Variants in AHCYL2 observed in about 807,000 individuals in gnomAD.
AHCYL2 encodes S-adenosylhomocysteine hydrolase-like protein 2.
AHCYL2 carries 28 observed loss-of-function variants against 81.4 expected under a neutral mutation model. The observed-to-expected ratio is 0.34, with a 90% confidence interval of 0.25 to 0.47. AHCYL2 has a LOEUF of 0.47. AHCYL2 is among the 20% of genes least tolerant of loss of function. The probability of loss-of-function intolerance (pLI) is 1.00; values close to 1 mark genes in which losing one functional copy is unlikely to be tolerated. For missense variants in AHCYL2, 551 were observed against 785.1 expected (o/e 0.70, Z 3.56); for synonymous variants, 272 against 290.2 (o/e 0.94, Z 0.64).
chr7:129,405,206 C>A lies in AHCYL2; in HGVS notation c.1135C>A (p.Leu379Ile). Residue 379 changes from leucine (L) to isoleucine (I), a missense_variant, in exon 8 of 17, where the codon CTT (leucine) becomes ATT (isoleucine). Coordinates refer to ENST00000325006, the MANE Select transcript of AHCYL2 (RefSeq NM_015328.4). ...CCTCTACTGTTGCCGTGAATCAATTCTTGATGGGTAATGTTTATTATCTTT... is the reference window on the plus strand; with the variant it reads ...CCTCTACTGTTGCCGTGAATCAATTATTGATGGGTAATGTTTATTATCTTT... ...DNLYCCRESILDGLKRTTDMM... is the reference protein window; with the variant it reads ...DNLYCCRESIIDGLKRTTDMM... 6.3e-7 allele frequency: 1 copy of A among 1,598,200 alleles called. No individual in the cohort carries two copies. The highest frequency in any genetic ancestry group is 8.5e-7 in the Non-Finnish European group (1 of 1,170,924).
At chr7:129,243,354 T>C (rs1435016539) in intron 1 of AHCYL2, among the ~76,000 whole-genome samples, 2 of 149,640 alleles carry the variant, frequency 1.3e-5, no homozygotes, top group Non-Finnish European at 2.9e-5. Flanking sequence ...TTATCAGATA[T>C]GTGTGTGTGT....
chr7:129,292,783 A>T (rs993287516), intron 1 of AHCYL2, among the ~76,000 whole-genome samples: 2 of 151,954 alleles, frequency 1.3e-5, no homozygotes, highest in African/African-American at 4.8e-5. Flanking sequence ...AAAAACAAAG[A>T]AAGTAAGTTA....
At position 129,426,369 on chromosome 7, in the gene AHCYL2, G is replaced by A. The variant is rs1797366393; in HGVS notation, c.1709-74G>A. 1 of 1,611,124 alleles carries A rather than the reference G, an allele frequency of 6.2e-7. No homozygotes were observed. The highest frequency in any genetic ancestry group is 1.1e-5 in the South Asian group (1 of 90,902). ...AGAAGGTGTCTTTGAACTTTTTAAG[G>A]CCTAGCTTGGGGACAATAGCCATCA... On this transcript the variant is annotated intron_variant, in intron 15 of 16. Coordinates refer to ENST00000325006, the MANE Select transcript of AHCYL2 (RefSeq NM_015328.4). This position sits in a 1 kb window ranked among gnomAD's most constrained non-coding sequence, Gnocchi z 4.3.
At chr7:129,366,793 G>A (rs908463514) in intron 1 of AHCYL2, among the ~76,000 whole-genome samples, 1 of 113,378 alleles carries the variant, frequency 8.8e-6, no homozygotes, top group African/African-American at 3.3e-5. Context: ...AAAAAAAAAA[G>A]TTTATAGAAA....
Position 129,225,130 on chromosome 7 carries a change from G to A in AHCYL2, c.54G>A (p.Glu18=), listed in dbSNP as rs779572115. The A allele has an allele frequency of 2.5e-6, 4 of 1,602,806 alleles. No homozygotes were observed. The highest frequency in any genetic ancestry group is 1.7e-5 in the Admixed American group (1 of 58,940). Residue 18 remains glutamate, a synonymous_variant, in exon 1 of 17, where the codon GAG becomes GAA. Coordinates refer to ENST00000325006, the MANE Select transcript of AHCYL2 (RefSeq NM_015328.4). ...AAAAAKVPEV[E]LKDLSPSEAE... is the part of the protein sequence containing the mutation. ...CTGCCGCCAAGGTGCCTGAGGTGGA[G>A]CTGAAGGACCTGAGCCCCTCCGAGG...
chr7:129,333,068 G>A (rs1798476169), intron 1 of AHCYL2, among the ~76,000 whole-genome samples: 1 of 152,146 alleles, frequency 6.6e-6, no homozygotes, highest in South Asian at 2.1e-4. Flanking sequence ...TAGAGTCTAA[G>A]CTATATTTCA....
chr7:129,270,536 A>G (rs921669657), intron 1 of AHCYL2, among the ~76,000 whole-genome samples: 5 of 152,254 alleles, frequency 3.3e-5, no homozygotes, highest in African/African-American at 9.6e-5. Context: ...TATAATAGAC[A>G]TTATTTTAAA....
chr7:129,299,119 T>G (rs1428497685), intron 1 of AHCYL2, among the ~76,000 whole-genome samples: 2 of 151,982 alleles, frequency 1.3e-5, no homozygotes, highest in East Asian at 1.9e-4. Context: ...TTTTTTGACA[T>G]TTTTGGGGGG....
chr7:129,352,937 C>CTTTTTTTTTTTTTTTTTTTTTTTTTT (rs59762582), intron 1 of AHCYL2, among the ~76,000 whole-genome samples: 1 of 82,556 alleles, frequency 1.2e-5, no homozygotes, highest in Non-Finnish European at 2.2e-5. Context: ...CCTCCTCATT[C>CTTTTTTTTTTTTTTTTTTTTTTTTTT]TTTTTTTTTT....
At chr7:129,255,023 G>C in intron 1 of AHCYL2, among the ~76,000 whole-genome samples, 1 of 152,030 alleles carries the variant, frequency 6.6e-6, no homozygotes, top group East Asian at 1.9e-4. Context: ...AGCACTTTGG[G>C]AGGCCAAGGC....
At chr7:129,412,363 T>G (rs1796624838) in intron 11 of AHCYL2, among the ~76,000 whole-genome samples, 1 of 150,970 alleles carries the variant, frequency 6.6e-6, no homozygotes, top group Admixed American at 6.6e-5. Flanking sequence ...TCACTGCAAC[T>G]TCCACCTCCC....
chr7:129,342,679 T>G (rs1793225462), intron 1 of AHCYL2, among the ~76,000 whole-genome samples: 2 of 152,170 alleles, frequency 1.3e-5, no homozygotes, highest in Admixed American at 1.3e-4. Context: ...AAAATTACCA[T>G]TAGACTGTTT....
At chr7:129,237,553 G>A (rs1794682948) in intron 1 of AHCYL2, among the ~76,000 whole-genome samples, 2 of 32,084 alleles carry the variant, frequency 6.2e-5, no homozygotes, top group Middle Eastern at 0.025. Context: ...TGCTATTTTA[G>A]CGATTTTTTT....
rs1285657668 is a variant in AHCYL2, at chr7:129,236,505, TA to T, written c.363+11068del. Among the ~76,000 whole-genome samples the T allele has an allele frequency of 4.1e-4, 62 of 152,100 alleles. 1 individual carries two copies. The highest frequency in any genetic ancestry group is 1.7e-3 in the East Asian group (9 of 5,164). On this transcript the variant is annotated intron_variant, in intron 1 of 16. Transcript: ENST00000325006. ...TGTGAGCCAATGTACCTGGCCCAGC[TA>T]ATTTCTGTGTTTTTTGTAGAGATGG...
At chr7:129,351,506 A>T (rs1793562177) in intron 1 of AHCYL2, 1 of 152,252 alleles carries the variant, frequency 6.6e-6, no homozygotes, top group Non-Finnish European at 1.5e-5. Context: ...TTTTAGTATT[A>T]TGAAAATGCT....
intron 4 of AHCYL2, among the ~76,000 whole-genome samples, chr7:129,396,864 T>C (rs1795768749): frequency 6.6e-6 from 1 of 152,228 alleles, no homozygotes; most frequent in South Asian, 2.1e-4. Flanking sequence ...CCCAGCTTTT[T>C]CCTGTCGTTA....
intron 1 of AHCYL2, among the ~76,000 whole-genome samples, chr7:129,265,976 G>C (rs764952358): frequency 1.3e-5 from 2 of 152,124 alleles, no homozygotes; most frequent in Non-Finnish European, 2.9e-5. Flanking sequence ...GAAAAGTTTT[G>C]GATGACTTCA....
At chr7:129,386,751 C>G (rs1380413166) in intron 2 of AHCYL2, among the ~76,000 whole-genome samples, 1 of 152,130 alleles carries the variant, frequency 6.6e-6, no homozygotes, top group Non-Finnish European at 1.5e-5. Context: ...GAAGGGCAAT[C>G]TCTTCTGGGT....
intron 12 of AHCYL2, among the ~76,000 whole-genome samples, chr7:129,421,221 C>T (rs1797102888): frequency 6.8e-6 from 1 of 148,066 alleles, no homozygotes; most frequent in African/African-American, 2.5e-5. Flanking sequence ...CATTGCACTG[C>T]AGCCTGGGTG....
Sources: allele counts gnomAD v4.1 joint callset (sites outside exome capture counted in the v4.1 genomes callset), GRCh38; gene constraint gnomAD v4.1.1; non-coding constraint Gnocchi (gnomAD v3.1); transcripts MANE v1.5; gene names NCBI Gene and HGNC (gene_info 2026-07-23, HGNC 2026-07-21).